The following LDLRAD3 variants were observed in gnomAD, a reference collection of about 807,000 sequenced individuals.
LDLRAD3 encodes low-density lipoprotein receptor class A domain-containing protein 3.
LDLRAD3 carries 20 observed loss-of-function variants against 29.4 expected under a neutral mutation model. That is an observed-to-expected ratio of 0.68 (90% confidence interval 0.48 to 0.99). LDLRAD3 has a LOEUF of 0.99. LDLRAD3 is among the 50% of genes least tolerant of loss of function. The probability of loss-of-function intolerance (pLI) is 0.00; values close to 1 mark genes in which losing one functional copy is unlikely to be tolerated. For synonymous variants in LDLRAD3, 157 were observed against 192.7 expected (o/e 0.81, Z 1.53); for missense variants, 420 against 454.3 (o/e 0.92, Z 0.69).
intron 1 of LDLRAD3, among the ~76,000 whole-genome samples, chr11:35,994,650 ACTTCT>A (rs1490525551): frequency 6.6e-6 from 1 of 152,202 alleles, no homozygotes; most frequent in Non-Finnish European, 1.5e-5. Context: ...TTCATGAAAG[ACTTCT>A]CTGTAGCACG....
intron 4 of LDLRAD3, among the ~76,000 whole-genome samples, chr11:36,105,234 T>TGAGA (rs1334430983): frequency 1.4e-5 from 2 of 147,320 alleles, no homozygotes; most frequent in African/African-American, 5.2e-5. Flanking sequence ...TGTGTGTGTG[T>TGAGA]GTGTGAGAGA....
At chr11:36,098,588 A>C in intron 4 of LDLRAD3, 127 bp downstream of exon 4, 1 of 1,065,538 alleles carries the variant, frequency 9.4e-7, no homozygotes, top group Non-Finnish European at 1.4e-6. Context: ...TTTTGCACTC[A>C]GCCTTGCAGC....
At chr11:36,197,172 A>C (rs957616865) in intron 4 of LDLRAD3, 1 of 152,208 alleles carries the variant, frequency 6.6e-6, no homozygotes, top group Non-Finnish European at 1.5e-5. Flanking sequence ...TCTGAAAAAG[A>C]ACACTTCTTT....
chr11:36,045,251 AC>A (rs1852433114), intron 2 of LDLRAD3, among the ~76,000 whole-genome samples: 2 of 152,172 alleles, frequency 1.3e-5, no homozygotes, highest in African/African-American at 4.8e-5. Context: ...CTGTATTCAA[AC>A]TTTTCTTAAA....
In LDLRAD3 at chr11:36,005,793, C is replaced by T. The variant is rs114895280; in HGVS notation, c.47-30310C>T. 3.4e-3 allele frequency among the ~76,000 whole-genome samples: 510 copies of T among 152,238 alleles called. 2 individuals carry two copies. The highest frequency in any genetic ancestry group is 0.012 in the African/African-American group (496 of 41,526). ...TTAACAAGAAGCATGACTAGGAGGC[C>T]TCAGGCAACTTAAAATCATGGCAGA... On this transcript the variant is annotated intron_variant, in intron 1 of 5. Coordinates refer to ENST00000315571, the MANE Select transcript of LDLRAD3 (RefSeq NM_174902.4).
chr11:36,033,938 T>C (rs898724298), intron 1 of LDLRAD3, among the ~76,000 whole-genome samples: 2 of 152,194 alleles, frequency 1.3e-5, no homozygotes, highest in African/African-American at 4.8e-5. Flanking sequence ...TGCAGCAGAA[T>C]AGGAGAAATA....
chr11:36,177,790 A>G (rs1253527404), intron 4 of LDLRAD3, among the ~76,000 whole-genome samples: 1 of 152,062 alleles, frequency 6.6e-6, no homozygotes, highest in Non-Finnish European at 1.5e-5. Context: ...GGTTTTCACA[A>G]ATGCTGCTTG....
At chr11:36,119,702 G>A (rs750201104) in intron 4 of LDLRAD3, among the ~76,000 whole-genome samples, 2 of 152,102 alleles carry the variant, frequency 1.3e-5, no homozygotes, top group Non-Finnish European at 2.9e-5. Flanking sequence ...TTGTTGAGTT[G>A]TAAAAGTTCT....
chr11:36,134,956 C>G (rs758482983), intron 4 of LDLRAD3, among the ~76,000 whole-genome samples: 1 of 152,140 alleles, frequency 6.6e-6, no homozygotes, highest in Non-Finnish European at 1.5e-5. Context: ...CTCTAGGTTT[C>G]TCTCCTGGTT....
At chr11:36,086,815 G>GT (rs1368852582) in intron 3 of LDLRAD3, among the ~76,000 whole-genome samples, 1 of 152,122 alleles carries the variant, frequency 6.6e-6, no homozygotes, top group Non-Finnish European at 1.5e-5. Context: ...TTCTCTTCAG[G>GT]TTTTTTAAGT....
At chr11:36,207,132 G>A (rs1034121386) in intron 4 of LDLRAD3, among the ~76,000 whole-genome samples, 1 of 152,048 alleles carries the variant, frequency 6.6e-6, no homozygotes, top group African/African-American at 2.4e-5. Context: ...TCAACTAGGG[G>A]GTTTCCGTTC....
chr11:36,024,227 A>G (rs1172656671), intron 1 of LDLRAD3, among the ~76,000 whole-genome samples: 1 of 152,198 alleles, frequency 6.6e-6, no homozygotes, highest in Non-Finnish European at 1.5e-5. Context: ...AGTACCATTT[A>G]TTAAACCCCA....
intron 1 of LDLRAD3, among the ~76,000 whole-genome samples, chr11:35,988,155 T>G (rs1590707863): frequency 6.6e-6 from 1 of 152,122 alleles, no homozygotes; most frequent in Non-Finnish European, 1.5e-5. Flanking sequence ...TCTCGTCGGG[T>G]CAAGCCATCC....
At chr11:36,036,898 C>T (rs539388579) in intron 2 of LDLRAD3, among the ~76,000 whole-genome samples, 10 of 152,210 alleles carry the variant, frequency 6.6e-5, no homozygotes, top group Admixed American at 2.6e-4. Flanking sequence ...TGTTTCATGA[C>T]GCCGAAACAT....
chr11:35,950,567 CT>C (rs1317449794), intron 1 of LDLRAD3, among the ~76,000 whole-genome samples: 1 of 151,944 alleles, frequency 6.6e-6, no homozygotes, highest in Non-Finnish European at 1.5e-5. Context: ...TATATATATA[CT>C]GTATATGTAA....
At position 36,227,130 on chromosome 11, in the gene LDLRAD3, T is replaced by C; in HGVS notation, c.500T>C (p.Val167Ala). 5.6e-6 allele frequency: 9 copies of C among 1,611,490 alleles called. No individual in the cohort carries two copies. Among genetic ancestry groups the C allele is most frequent in the Non-Finnish European group, 7.6e-6 (9 of 1,178,214 alleles). Reference protein sequence around the residue: ...QVFVTSENQLVYYPSITYAII... With the variant: ...QVFVTSENQLAYYPSITYAII... ...TTTGTGACTTCAGAGAACCAACTTG[T>C]GTATTACCCCAGCATCACCTATGCC... The change falls in exon 5 of 6, where the codon GTG (valine) becomes GCG (alanine). Residue 167 changes from valine to alanine, a missense_variant. Val to Ala is a moderately conservative substitution (Grantham distance 64). Transcript: ENST00000315571.
At chr11:36,191,597 T>TACAC (rs1369009943) in intron 4 of LDLRAD3, among the ~76,000 whole-genome samples, 40 of 101,334 alleles carry the variant, frequency 3.9e-4, no homozygotes, top group African/African-American at 1.5e-3. Context: ...TATATATATA[T>TACAC]ATACACACAC....
intron 4 of LDLRAD3, among the ~76,000 whole-genome samples, chr11:36,111,861 T>G (rs973899100): frequency 3.9e-5 from 6 of 152,168 alleles, no homozygotes; most frequent in African/African-American, 1.4e-4. Context: ...CCTCCCAAAG[T>G]GTTGGGGTTA....
chr11:36,209,504 C>T (rs543122635), intron 4 of LDLRAD3, among the ~76,000 whole-genome samples: 125 of 151,902 alleles, frequency 8.2e-4, no homozygotes, highest in African/African-American at 2.8e-3. Context: ...GGATTACAGG[C>T]GCATGCCAGC....
Sources: gnomAD v4.1 joint callset for allele counts (sites outside exome capture counted in the v4.1 genomes callset) on GRCh38, gnomAD v4.1.1 for gene constraint, MANE v1.5 for transcripts, NCBI Gene and HGNC (gene_info 2026-07-23, HGNC 2026-07-21) for gene names.